Variants in TACR3 observed in about 807,000 individuals in gnomAD.
TACR3 encodes the protein neuromedin-K receptor.
A neutral mutation model predicts 35.0 loss-of-function variants in TACR3; 34 were observed. The ratio of observed to expected loss-of-function variants is 0.97; its 90% confidence interval spans 0.74 to 1.30. The LOEUF is 1.30. TACR3 is among the 50% of genes most tolerant of loss of function. The pLI is 0.00. For missense variants in TACR3, 558 were observed against 591.7 expected (o/e 0.94, Z 0.59); for synonymous variants, 233 against 221.1 (o/e 1.05, Z -0.48).
At chr4:103,674,845 C>T (rs937462837) in intron 1 of TACR3, among the ~76,000 whole-genome samples, 6 of 152,136 alleles carry the variant, frequency 3.9e-5, no homozygotes, top group South Asian at 2.1e-4. Context: ...CCACCGCGCC[C>T]GGCCTACATG....
At chr4:103,704,848 G>C (rs1722748900) in intron 1 of TACR3, among the ~76,000 whole-genome samples, 1 of 152,090 alleles carries the variant, frequency 6.6e-6, no homozygotes, top group African/African-American at 2.4e-5. Flanking sequence ...GCAAGAAATG[G>C]TTTATAAGTA....
At chr4:103,608,086 C>G (rs1168402228) in intron 3 of TACR3, among the ~76,000 whole-genome samples, 1 of 152,068 alleles carries the variant, frequency 6.6e-6, no homozygotes, top group Non-Finnish European at 1.5e-5. Flanking sequence ...ATAAATCATT[C>G]TATCAAAATG....
chr4:103,719,501 C>G lies in TACR3; in HGVS notation c.175G>C (p.Gly59Arg), dbSNP rs560949346. 1 of 1,611,066 alleles carries G rather than the reference C, an allele frequency of 6.2e-7. No individual in the cohort carries two copies. Among genetic ancestry groups the G allele is most frequent in the Non-Finnish European group, 8.5e-7 (1 of 1,177,468 alleles). Residue 59 changes from glycine to arginine, a missense_variant, in exon 1 of 5, where the codon GGA becomes CGA. Coordinates refer to ENST00000304883, the MANE Select transcript of TACR3 (RefSeq NM_001059.3). ...GNLSSSPSAL[G>R]LPVASPAPSQ... ...GGCGCGGGGGAAGCCACAGGCAGTCCCAGCGCGGAAGGGGAGGAGGAGAGG... is the reference window on the plus strand; with the variant it reads ...GGCGCGGGGGAAGCCACAGGCAGTCGCAGCGCGGAAGGGGAGGAGGAGAGG...
intron 3 of TACR3, among the ~76,000 whole-genome samples, chr4:103,595,412 G>A (rs1012048072): frequency 6.6e-6 from 1 of 152,114 alleles, no homozygotes; most frequent in African/African-American, 2.4e-5. Flanking sequence ...CCCTTACAAA[G>A]TTACATTGCC....
rs869215834 is a variant in TACR3, at chr4:103,627,352, TAAAA to T, written c.888+28838_888+28841del. ...CAACATGGTGAAACTGTGTTTCCAT[TAAAA>T]AAAAAAAAAAAAAAAAAAAAAGCTG... On this transcript the variant is annotated intron_variant, in intron 3 of 4. Coordinates refer to ENST00000304883, the MANE Select transcript of TACR3 (RefSeq NM_001059.3). Among the ~76,000 whole-genome samples the T allele has an allele frequency of 1.5e-4, 12 of 82,490 alleles. No individual in the cohort carries two copies. The South Asian group carries it at 3.1e-3, about 21-fold the overall frequency. The allele number at this position is 82,490 out of a possible 152,430, so 54.1% of individuals were successfully genotyped here.
At chr4:103,663,336 A>G (rs1352927133) in intron 1 of TACR3, among the ~76,000 whole-genome samples, 1 of 152,122 alleles carries the variant, frequency 6.6e-6, no homozygotes, top group Non-Finnish European at 1.5e-5. Flanking sequence ...TCTACTAGAA[A>G]TACAAAAATT....
rs542387991 is a variant in TACR3, at chr4:103,591,321, G to C, written c.1085+166C>G. Reference sequence around the variant, plus strand: ...ATTAATGTGGGATGCTTTATAAAGTGTGTATGGGGGTCTTGAAAGATAAAG... The same window carrying C: ...ATTAATGTGGGATGCTTTATAAAGTCTGTATGGGGGTCTTGAAAGATAAAG... On this transcript the variant is annotated intron_variant, in intron 4 of 4. Transcript: ENST00000304883. The C allele has an allele frequency of 3.1e-5, 23 of 733,652 alleles. No homozygotes were observed. The Middle Eastern group carries it at 1.1e-3, about 36-fold the overall frequency. 45.4% of individuals were successfully genotyped at this position (733,652 alleles called of 1,614,324 possible).
At chr4:103,696,814 A>G (rs932180686) in intron 1 of TACR3, among the ~76,000 whole-genome samples, 4 of 152,082 alleles carry the variant, frequency 2.6e-5, no homozygotes, top group African/African-American at 9.7e-5. Context: ...CTGCATTTAC[A>G]TTGGTTTCAA....
intron 1 of TACR3, among the ~76,000 whole-genome samples, chr4:103,715,226 G>A (rs928283265): frequency 6.6e-6 from 1 of 152,170 alleles, no homozygotes; most frequent in Non-Finnish European, 1.5e-5. Context: ...CCCAATGTTG[G>A]AAGTGGGGCC....
intron 3 of TACR3, among the ~76,000 whole-genome samples, chr4:103,643,166 T>G (rs1468757526): frequency 6.6e-6 from 1 of 151,862 alleles, no homozygotes; most frequent in East Asian, 1.9e-4. Context: ...CTATTTAAAT[T>G]TAAACTTACA....
At chr4:103,679,726 T>C (rs1726247424) in intron 1 of TACR3, among the ~76,000 whole-genome samples, 1 of 151,898 alleles carries the variant, frequency 6.6e-6, no homozygotes, top group Non-Finnish European at 1.5e-5. Context: ...ATTTATGTAA[T>C]AACATTCCAT....
In TACR3 at chr4:103,719,695, CG is replaced by C. The variant is rs1560545109; in HGVS notation, c.-21del. 1 of 1,605,264 alleles carries C rather than the reference CG, an allele frequency of 6.2e-7. No individual in the cohort carries two copies. Among genetic ancestry groups the C allele is most frequent in the African/African-American group, 1.3e-5 (1 of 75,036 alleles). ...GGCCATCGCCACCGGTCTGCAGTCC[CG>C]GACCCTCCCACTCACCCACGGGCAG... On this transcript the variant is annotated 5_prime_UTR_variant, in exon 1 of 5. Coordinates refer to ENST00000304883, the MANE Select transcript of TACR3 (RefSeq NM_001059.3).
intron 3 of TACR3, among the ~76,000 whole-genome samples, chr4:103,601,206 A>T (rs79905523): frequency 6.6e-6 from 1 of 151,856 alleles, no homozygotes; most frequent in Non-Finnish European, 1.5e-5. Context: ...CTTTACCATT[A>T]TGTAATGGCC....
At chr4:103,701,757 C>A (rs1235348975) in intron 1 of TACR3, among the ~76,000 whole-genome samples, 3 of 152,138 alleles carry the variant, frequency 2.0e-5, no homozygotes, top group Non-Finnish European at 1.5e-5. Context: ...ATATCTACAA[C>A]TATCTGATCT....
intron 1 of TACR3, among the ~76,000 whole-genome samples, chr4:103,709,631 G>A (rs957249950): frequency 2.0e-5 from 3 of 152,250 alleles, no homozygotes; most frequent in Non-Finnish European, 2.9e-5. Context: ...ACATCATAAT[G>A]ACAGGATCAA....
chr4:103,637,706 A>C (rs1278772781), intron 3 of TACR3, among the ~76,000 whole-genome samples: 3 of 152,212 alleles, frequency 2.0e-5, no homozygotes, highest in African/African-American at 7.2e-5. Flanking sequence ...GTCTCAGCCC[A>C]AAATCTCCTT....
At chr4:103,617,376 T>C (rs1724683193) in intron 3 of TACR3, among the ~76,000 whole-genome samples, 1 of 152,192 alleles carries the variant, frequency 6.6e-6, no homozygotes, top group Non-Finnish European at 1.5e-5. Flanking sequence ...ATTTTAATCA[T>C]GATTATGTAA....
rs1724033944 is a variant in TACR3 at position 103,596,750 on chromosome 4, C to A, written c.889-5067G>T. Among the ~76,000 whole-genome samples, 3 of 152,030 alleles carry A rather than the reference C, an allele frequency of 2.0e-5. No individual in the cohort carries two copies. The South Asian group carries it at 6.3e-4, about 32-fold the overall frequency. ...GTATATCTCCTAATGCTATCCCTCC[C>A]CCGTCCCCCTACCCCACAAGAGTCC... is the stretch of plus-strand genomic sequence containing the variant. On this transcript the variant is annotated intron_variant, in intron 3 of 4. Coordinates refer to ENST00000304883, the MANE Select transcript of TACR3 (RefSeq NM_001059.3).
chr4:103,660,553 A>T (rs1245892625), intron 1 of TACR3, among the ~76,000 whole-genome samples: 1 of 148,152 alleles, frequency 6.7e-6, no homozygotes, highest in African/African-American at 2.5e-5. Flanking sequence ...CACACAACAA[A>T]TACACACACA....
Sources: gnomAD v4.1 joint callset for allele counts (sites outside exome capture counted in the v4.1 genomes callset) on GRCh38, gnomAD v4.1.1 for gene constraint, MANE v1.5 for transcripts, NCBI Gene and HGNC (gene_info 2026-07-23, HGNC 2026-07-21) for gene names.